Variants in ACCS observed in about 807,000 individuals in gnomAD.
ACCS encodes 1-aminocyclopropane-1-carboxylate synthase-like protein 1.
A neutral mutation model predicts 59.8 loss-of-function variants in ACCS; 42 were observed. The observed-to-expected ratio is 0.70, with a 90% confidence interval of 0.55 to 0.91. The LOEUF (loss-of-function observed/expected upper bound fraction) is 0.91, where lower values mean the gene tolerates loss of function less well. ACCS is among the 40% of genes least tolerant of loss of function. The probability of loss-of-function intolerance (pLI) is 0.00; values close to 1 mark genes in which losing one functional copy is unlikely to be tolerated. For synonymous variants in ACCS, 230 were observed against 240.3 expected, an observed-to-expected ratio of 0.96 and a Z score of 0.40; for missense variants, 602 against 630.4, an observed-to-expected ratio of 0.95 and a Z score of 0.48.
rs140446960 is a variant in ACCS, at chr11:44,078,214, G to A, written c.732+292G>A. On this transcript the variant is annotated intron_variant, in intron 8 of 14. Coordinates refer to ENST00000263776, the MANE Select transcript of ACCS (RefSeq NM_032592.4). ...ATCTGATTATGATTCAGTGGGTCAA[G>A]TATGGAGTACAGGAGTCTGTGGTTT... The A allele has an allele frequency of 2.3e-5, 10 of 434,616 alleles. No homozygotes were observed. In the East Asian group the frequency reaches 3.7e-4, roughly 16 times the overall value. 26.9% of individuals were successfully genotyped at this position (434,616 alleles called of 1,614,324 possible).
Position 44,067,894 on chromosome 11 carries a change from T to C in ACCS, c.267T>C (p.Tyr89=), listed in dbSNP as rs748022584. Residue 89 remains tyrosine, a synonymous_variant, in exon 2 of 15, where the codon TAT becomes TAC. Coordinates refer to ENST00000263776, the MANE Select transcript of ACCS (RefSeq NM_032592.4). ...ACAGGACCTACCACATGGATGAGTA[T>C]GATGAGGACAAGAACCCCAGTGTGA... ...EGYRTYHMDE[Y]DEDKNPSGII... The C allele has an allele frequency of 5.0e-6, 8 of 1,608,974 alleles. No homozygotes were observed. The East Asian group carries it at 1.8e-4, about 36-fold the overall frequency.
chr11:44,074,370 T>C (rs1289373899), intron 4 of ACCS, among the ~76,000 whole-genome samples: 1 of 151,810 alleles, frequency 6.6e-6, no homozygotes, highest in Non-Finnish European at 1.5e-5. Context: ...CCATGGAGGG[T>C]GTTACTTTTG....
rs559441141 is a variant in ACCS, at chr11:44,077,324, A to G, written c.602A>G (p.His201Arg). ...CCTTACTATGGCGCTATCACACAGC[A>G]CGTGTGTCTCTATGGCAACATCCGG... ...PTPYYGAITQ[H>R]VCLYGNIRLA... Residue 201 changes from histidine (H) to arginine (R), a missense_variant, in exon 7 of 15, where the codon CAC becomes CGC. By Grantham distance (29) the His-to-Arg change is conservative. Coordinates refer to ENST00000263776, the MANE Select transcript of ACCS (RefSeq NM_032592.4). The G allele has an allele frequency of 1.2e-6, 2 of 1,614,096 alleles. No individual in the cohort carries two copies. Among genetic ancestry groups the G allele is most frequent in the East Asian group, 4.5e-5 (2 of 44,880 alleles).
chr11:44,075,695 A>T, intron 6 of ACCS, 103 bp downstream of exon 6: 2 of 1,372,258 alleles, frequency 1.5e-6, no homozygotes, highest in Non-Finnish European at 2.0e-6. Context: ...TTTCGGGCAC[A>T]ATAGAATATA....
intron 10 of ACCS, chr11:44,080,623 C>A: frequency 4.6e-6 from 1 of 215,422 alleles, no homozygotes. Context: ...GCACATCCAG[C>A]CATTGGATTA....
In ACCS at chr11:44,084,121, T is replaced by A. The variant is rs1953760908; in HGVS notation, c.*329T>A. The A allele has an allele frequency of 4.0e-6, 1 of 248,984 alleles. No individual in the cohort carries two copies. The highest frequency in any genetic ancestry group is 2.2e-5 in the African/African-American group (1 of 44,700). The allele number at this position is 248,984 out of a possible 1,614,324, so 15.4% of individuals were successfully genotyped here. A position where few individuals can be genotyped will look rare whatever the true frequency, so the allele number is the denominator to read the frequency against. On this transcript the variant is annotated 3_prime_UTR_variant, in exon 15 of 15. Coordinates refer to ENST00000263776, the MANE Select transcript of ACCS (RefSeq NM_032592.4). ...ATGTGAAAAGAAAACAAACAACTTG[T>A]ACCTTCTTTCTGATATCACCGTCAT...
rs1309667279 is a variant in ACCS at position 44,074,825 on chromosome 11, T to A, written c.489+144T>A. On this transcript the variant is annotated intron_variant, in intron 5 of 14. Coordinates refer to ENST00000263776, the MANE Select transcript of ACCS (RefSeq NM_032592.4). ...TTCCTTCCTTCTCTTTTTTTTTTTTTTATTTTTTTTATTTTTTCAGACTGA... is the reference window on the plus strand; with the variant it reads ...TTCCTTCCTTCTCTTTTTTTTTTTTATATTTTTTTTATTTTTTCAGACTGA... 10 of 410,948 alleles carry A rather than the reference T, an allele frequency of 2.4e-5. No individual in the cohort carries two copies. In the East Asian group the frequency reaches 2.6e-4, roughly 11 times the overall value. 25.5% of individuals were successfully genotyped at this position (410,948 alleles called of 1,614,324 possible).
intron 13 of ACCS, 36 bp downstream of exon 13, chr11:44,083,347 T>C: frequency 6.2e-7 from 1 of 1,612,882 alleles, no homozygotes; most frequent in South Asian, 1.1e-5. Context: ...AGAGGGAGTT[T>C]CAGGTCTCCC....
rs375801245 is a variant in ACCS, at chr11:44,083,469, C to T, written c.1300C>T (p.Arg434Cys). ...TFEEEMLLWRRFLDNKVLLSF... is the reference protein window; with the variant it reads ...TFEEEMLLWRCFLDNKVLLSF... ...TGAGGAGGAAATGCTGCTCTGGCGCCGCTTTTTGGACAACAAGGTGCTGCT... is the reference window on the plus strand; with the variant it reads ...TGAGGAGGAAATGCTGCTCTGGCGCTGCTTTTTGGACAACAAGGTGCTGCT... The change falls in exon 14 of 15, where the codon CGC becomes TGC. Residue 434 changes from arginine to cysteine, a missense_variant. Physicochemically the swap from Arg to Cys is radical, Grantham distance 180. Coordinates refer to ENST00000263776, the MANE Select transcript of ACCS (RefSeq NM_032592.4). 2.5e-5 allele frequency: 40 copies of T among 1,614,106 alleles called. No homozygotes were observed. In the Admixed American group the frequency reaches 3.0e-4, roughly 12 times the overall value.
chr11:44,075,885 A>G (rs1334770647), intron 6 of ACCS: 1 of 347,204 alleles, frequency 2.9e-6, no homozygotes, highest in Non-Finnish European at 5.3e-6. Flanking sequence ...GCAGGAAGAA[A>G]GGGATGTGGT....
intron 6 of ACCS, 21 bp downstream of exon 6, chr11:44,075,613 G>T (rs1383844481): frequency 6.2e-7 from 1 of 1,612,656 alleles, no homozygotes; most frequent in Admixed American, 1.7e-5. Context: ...TCTGTGGCCT[G>T]CCCCGCACTG....
chr11:44,076,943 G>T (rs865890239), intron 6 of ACCS, among the ~76,000 whole-genome samples: 7 of 152,292 alleles, frequency 4.6e-5, no homozygotes, highest in Middle Eastern at 3.4e-3. Flanking sequence ...AAAACCATCA[G>T]ATCTCGTGAG....
In ACCS at chr11:44,081,016, G is replaced by C; in HGVS notation, c.924-4G>C. Reference sequence around the variant, plus strand: ...CCTCTGTTCCCATGCTGTGCTCTCTGCAGGCTCCCTGACCCCCAGAGGACC... The same window carrying C: ...CCTCTGTTCCCATGCTGTGCTCTCTCCAGGCTCCCTGACCCCCAGAGGACC... On this transcript the variant is annotated splice_region_variant and splice_polypyrimidine_tract_variant and intron_variant, in intron 10 of 14. Coordinates refer to ENST00000263776, the MANE Select transcript of ACCS (RefSeq NM_032592.4). 1 of 1,614,172 alleles carries C rather than the reference G, an allele frequency of 6.2e-7. No individual in the cohort carries two copies. Among genetic ancestry groups the C allele is most frequent in the Non-Finnish European group, 8.5e-7 (1 of 1,180,036 alleles).
chr11:44,079,925 TATTC>T (rs935024082), intron 10 of ACCS, among the ~76,000 whole-genome samples: 1 of 152,256 alleles, frequency 6.6e-6, no homozygotes. Flanking sequence ...GCTCCAGTTT[TATTC>T]ATTCATTCAT....
At chr11:44,078,805 C>T in intron 9 of ACCS, 21 bp downstream of exon 9, 1 of 1,607,338 alleles carries the variant, frequency 6.2e-7, no homozygotes, top group Middle Eastern at 1.7e-4. Context: ...CCACACTGGC[C>T]CCGACAGAGC....
In ACCS at chr11:44,076,615, T is replaced by C. The variant is rs140076813; in HGVS notation, c.557-664T>C. Reference sequence around the variant, plus strand: ...TATAAAGTTAGGATATAATAAATAGTACCTCCTTCGGAGACTAATTGTCAG... The same window carrying C: ...TATAAAGTTAGGATATAATAAATAGCACCTCCTTCGGAGACTAATTGTCAG... On this transcript the variant is annotated intron_variant, in intron 6 of 14. Transcript: ENST00000263776. Among the ~76,000 whole-genome samples the C allele has an allele frequency of 2.3e-3, 350 of 152,352 alleles. 1 individual carries two copies. The highest frequency in any genetic ancestry group is 8.0e-3 in the African/African-American group (332 of 41,582).
intron 6 of ACCS, 29 bp from the exon 7 acceptor site, chr11:44,077,250 G>C (rs752600658): frequency 2.5e-6 from 4 of 1,605,680 alleles, no homozygotes. Flanking sequence ...GCCAGAAAGT[G>C]ACAGGCCCTC....
At position 44,075,545 on chromosome 11, in the gene ACCS, GTGCCTCGCTCTTCTC is replaced by G. The variant is rs778961644; in HGVS notation, c.513_527del (p.Ser172_Ala176del). On this transcript the variant is annotated inframe_deletion, in exon 6 of 15. Transcript: ENST00000263776. ...CCTTAGGTGGTTGTCCTGAATGGTG[GTGCCTCGCTCTTCTC>G]TGCTCTGGCCACGGTGCTGTGTGAG... The G allele has an allele frequency of 3.1e-6, 5 of 1,614,080 alleles. No individual in the cohort carries two copies. The African/African-American group carries it at 6.7e-5, about 22-fold the overall frequency.
intron 5 of ACCS, among the ~76,000 whole-genome samples, chr11:44,075,077 A>G (rs1224400312): frequency 2.7e-5 from 4 of 150,922 alleles, no homozygotes; most frequent in Admixed American, 2.6e-4. Context: ...GCCCGCCTTG[A>G]CCTCCCAAAG....
Sources: gnomAD v4.1 joint callset for allele counts (sites outside exome capture counted in the v4.1 genomes callset) on GRCh38, gnomAD v4.1.1 for gene constraint, MANE v1.5 for transcripts, NCBI Gene and HGNC (gene_info 2026-07-23, HGNC 2026-07-21) for gene names.